The following WDHD1 variants were observed in gnomAD, a reference collection of about 807,000 sequenced individuals.
WDHD1 encodes WD repeat and HMG-box DNA binding protein 1.
In WDHD1, 111 loss-of-function variants were observed where a neutral mutation model predicts 135.4. The ratio of observed to expected loss-of-function variants is 0.82; its 90% CI spans 0.70 to 0.96. The LOEUF is 0.96. Among genes scored for constraint, WDHD1 ranks in the 40% least tolerant of loss-of-function variants. The probability of loss-of-function intolerance (pLI) is 0.00; values close to 1 mark genes in which losing one functional copy is unlikely to be tolerated. For synonymous variants in WDHD1, 434 were observed against 439.0 expected, an observed-to-expected ratio of 0.99 and a Z score of 0.14; for missense variants, 1,351 against 1,336.3, an observed-to-expected ratio of 1.01 and a Z score of -0.17.
rs1281062040 is a variant in WDHD1, at chr14:54,987,349, C to T, written c.1565G>A (p.Ser522Asn). 1 of 1,613,920 alleles carries T rather than the reference C, an allele frequency of 6.2e-7. No homozygotes were observed. The highest frequency in any genetic ancestry group is 8.5e-7 in the Non-Finnish European group (1 of 1,179,976). Residue 522 changes from serine to asparagine, a missense_variant, in exon 14 of 26, where the codon AGC becomes AAC. Coordinates refer to ENST00000360586, the MANE Select transcript of WDHD1 (RefSeq NM_007086.4). Reference sequence around the variant, plus strand: ...AGGCAAGTCTATTATCCACTCTTTGCTTGAATCCCAAGAACTAAAGTGCAG... The same window carrying T: ...AGGCAAGTCTATTATCCACTCTTTGTTTGAATCCCAAGAACTAAAGTGCAG... The part of the protein sequence containing the change: ...HCLHFSSWDS[S>N]KEWIIDLPQN...
At chr14:54,970,691 C>T (rs1402469814) in intron 16 of WDHD1, among the ~76,000 whole-genome samples, 1 of 149,696 alleles carries the variant, frequency 6.7e-6, no homozygotes, top group Non-Finnish European at 1.5e-5. Context: ...ATAGATTCAA[C>T]ACTATTCCTA....
At chr14:54,951,180 A>C (rs532058365) in intron 24 of WDHD1, among the ~76,000 whole-genome samples, 2 of 152,074 alleles carry the variant, frequency 1.3e-5, no homozygotes, top group Non-Finnish European at 2.9e-5. Flanking sequence ...AGACACAAAA[A>C]AGCCTTCAAA....
intron 24 of WDHD1, among the ~76,000 whole-genome samples, chr14:54,955,147 C>G (rs1279930965): frequency 2.0e-5 from 3 of 152,120 alleles, no homozygotes; most frequent in Non-Finnish European, 4.4e-5. Flanking sequence ...TGTATTTGCA[C>G]ATAAATAGAA....
intron 2 of WDHD1, among the ~76,000 whole-genome samples, chr14:55,013,878 G>A (rs537567411): frequency 2.8e-4 from 43 of 152,074 alleles, no homozygotes; most frequent in Non-Finnish European, 5.3e-4. Context: ...CTGCACTCCA[G>A]CCTGGGCAAC....
At chr14:54,990,997 A>T (rs936320399) in intron 12 of WDHD1, among the ~76,000 whole-genome samples, 4 of 152,242 alleles carry the variant, frequency 2.6e-5, no homozygotes, top group Non-Finnish European at 4.4e-5. Context: ...TTTGGAAAGC[A>T]GAATTTTATT....
chr14:54,971,960 G>A (rs554325603), intron 16 of WDHD1, among the ~76,000 whole-genome samples: 1 of 152,236 alleles, frequency 6.6e-6, no homozygotes, highest in East Asian at 1.9e-4. Flanking sequence ...GCTGAGGTGG[G>A]TGGATCACTT....
intron 11 of WDHD1, among the ~76,000 whole-genome samples, chr14:54,993,231 C>T (rs955625335): frequency 3.3e-5 from 5 of 152,124 alleles, no homozygotes; most frequent in African/African-American, 4.8e-5. Flanking sequence ...GATCCTCCTA[C>T]CTCAGCCTCC....
intron 16 of WDHD1, among the ~76,000 whole-genome samples, chr14:54,974,432 C>CA (rs1400309694): frequency 0.015 from 1,494 of 101,994 alleles, 9 homozygotes; most frequent in African/African-American, 0.035. Context: ...GATTCTGTCT[C>CA]AAAAAAAAAA....
In WDHD1 at chr14:54,966,461, T is replaced by C. The variant is rs777887532; in HGVS notation, c.2310+14A>G. ...ATTTAACTTTAACGTTTTCAGTATA[T>C]TTATTTTACTCACCGCAAGCATTTT... On this transcript the variant is annotated intron_variant, in intron 18 of 25. Coordinates refer to ENST00000360586, the MANE Select transcript of WDHD1 (RefSeq NM_007086.4). 2.5e-6 allele frequency: 4 copies of C among 1,589,150 alleles called. No individual in the cohort carries two copies. The Admixed American group carries it at 7.7e-5, about 31-fold the overall frequency.
chr14:54,943,138 C>G (rs1319113170), intron 25 of WDHD1, among the ~76,000 whole-genome samples: 1 of 152,184 alleles, frequency 6.6e-6, no homozygotes, highest in Non-Finnish European at 1.5e-5. Context: ...GAGGATTTAA[C>G]TGGTACACCA....
chr14:54,945,156 G>A lies in WDHD1; in HGVS notation c.3051-686C>T, dbSNP rs894200109. Among the ~76,000 whole-genome samples, 22 of 152,142 alleles carry A rather than the reference G, an allele frequency of 1.4e-4. 1 individual carries two copies. The East Asian group carries it at 4.3e-3, about 29-fold the overall frequency. The stretch of plus-strand genomic sequence containing the variant: ...CAAACCAGCTATTTGAATTCCTCAC[G>A]ACTTTTCTCAAGCCCCTTTGCCATC... On this transcript the variant is annotated intron_variant, in intron 24 of 25. Transcript: ENST00000360586.
intron 21 of WDHD1, among the ~76,000 whole-genome samples, chr14:54,958,214 C>T (rs527872319): frequency 6.0e-5 from 9 of 150,802 alleles, no homozygotes; most frequent in East Asian, 3.9e-4. Flanking sequence ...GCAAAGTCCA[C>T]CTCCCAGGTT....
intron 16 of WDHD1, among the ~76,000 whole-genome samples, chr14:54,979,115 C>G (rs762423552): frequency 2.0e-5 from 3 of 152,054 alleles, no homozygotes; most frequent in Non-Finnish European, 4.4e-5. Flanking sequence ...GACTTTTTAT[C>G]CTCCTTTAGG....
chr14:54,941,471 C>A lies in WDHD1; in HGVS notation c.*19G>T. 1 of 1,594,876 alleles carries A rather than the reference C, an allele frequency of 6.3e-7. No homozygotes were observed. The highest frequency in any genetic ancestry group is 1.2e-5 in the South Asian group (1 of 86,702). On this transcript the variant is annotated 3_prime_UTR_variant, in exon 26 of 26. Transcript: ENST00000360586. ...GAGTAAAAAAAAATCCATTACTTCCCTAGGGTCACTTTCTTCCTTTACTCC... is the reference window on the plus strand; with the variant it reads ...GAGTAAAAAAAAATCCATTACTTCCATAGGGTCACTTTCTTCCTTTACTCC...
chr14:54,988,709 A>G (rs1470516165), intron 13 of WDHD1, among the ~76,000 whole-genome samples: 2 of 150,422 alleles, frequency 1.3e-5, no homozygotes, highest in Non-Finnish European at 3.0e-5. Context: ...TTTTCTTTAC[A>G]ATGAATGTAT....
intron 10 of WDHD1, among the ~76,000 whole-genome samples, chr14:54,999,628 T>A (rs551347948): frequency 1.3e-5 from 2 of 152,292 alleles, no homozygotes; most frequent in South Asian, 4.1e-4. Context: ...AGATGGGGTA[T>A]CACTGTCATC....
chr14:54,949,241 C>CT (rs565765742), intron 24 of WDHD1, among the ~76,000 whole-genome samples: 128 of 152,034 alleles, frequency 8.4e-4, no homozygotes, highest in Non-Finnish European at 1.5e-3. Flanking sequence ...CGCAAAGGAG[C>CT]TAAAAACCTT....
chr14:54,943,184 C>A (rs913789669), intron 25 of WDHD1, among the ~76,000 whole-genome samples: 5 of 152,160 alleles, frequency 3.3e-5, no homozygotes, highest in African/African-American at 1.2e-4. Context: ...AGAGATTGTG[C>A]CTTCCTTCCT....
chr14:54,983,400 C>A (rs961691469), intron 15 of WDHD1, among the ~76,000 whole-genome samples: 4 of 151,778 alleles, frequency 2.6e-5, no homozygotes, highest in African/African-American at 9.7e-5. Flanking sequence ...AGGCTGGGGG[C>A]GGTGGCTCAC....
Sources: allele counts gnomAD v4.1 joint callset (sites outside exome capture counted in the v4.1 genomes callset), GRCh38; gene constraint gnomAD v4.1.1; transcripts MANE v1.5; gene names NCBI Gene and HGNC (gene_info 2026-07-23, HGNC 2026-07-21).